The following PRIM2 variants were observed in gnomAD, a reference collection of about 807,000 sequenced individuals.
The protein encoded by PRIM2 is DNA primase subunit 2, also known as DNA primase large subunit.
Under a neutral mutation model 67.3 loss-of-function variants are expected in PRIM2, and 39 were observed. That is an observed-to-expected ratio of 0.58 (90% CI 0.45 to 0.76). The LOEUF is 0.76. PRIM2 is among the 30% of genes least tolerant of loss of function. PRIM2 has a pLI of 0.00. For synonymous variants in PRIM2, 143 were observed against 198.7 expected (o/e 0.72, Z 2.36); for missense variants, 398 against 598.7 (o/e 0.66, Z 3.50).
rs183835031 is a variant in PRIM2 at position 57,457,552 on chromosome 6, T to C, written c.694-49835T>C. On this transcript the variant is annotated intron_variant, in intron 7 of 13. Coordinates refer to ENST00000615550, the MANE Select transcript of PRIM2 (RefSeq NM_000947.5). ...TGATCTCAGGCTGCTGTGCTAGCAA[T>C]GAGTGAGGCTCTGTGGGTGTAGGAC... 2.0e-5 allele frequency among the ~76,000 whole-genome samples: 3 copies of C among 152,194 alleles called. No homozygotes were observed. In the South Asian group the frequency reaches 6.2e-4, roughly 32 times the overall value.
intron 7 of PRIM2, among the ~76,000 whole-genome samples, chr6:57,401,004 C>G (rs1770688692): frequency 6.6e-6 from 1 of 152,128 alleles, no homozygotes; most frequent in East Asian, 1.9e-4. Flanking sequence ...TCCTTCAGCT[C>G]CTTTATCATT....
chr6:57,459,683 A>G (rs1347930464), intron 7 of PRIM2, among the ~76,000 whole-genome samples: 6 of 152,144 alleles, frequency 3.9e-5, no homozygotes, highest in Admixed American at 2.0e-4. Context: ...CTTGGGCAGG[A>G]TTTCTATATT....
the PRIM2 span, among the ~76,000 whole-genome samples, chr6:57,223,298 C>G: frequency 2.1e-4 from 32 of 152,236 alleles, no homozygotes; most frequent in African/African-American, 7.5e-4. Context: ...GGGATAGTGA[C>G]TGGAAGGAGT....
At chr6:57,605,009 A>T (rs1776534523) in intron 11 of PRIM2, among the ~76,000 whole-genome samples, 1 of 152,148 alleles carries the variant, frequency 6.6e-6, no homozygotes, top group Non-Finnish European at 1.5e-5. Context: ...GATTTTATTG[A>T]AAGTTTTTTC....
chr6:57,613,168 A>G, intron 12 of PRIM2, among the ~76,000 whole-genome samples: 1 of 152,270 alleles, frequency 6.6e-6, no homozygotes, highest in Middle Eastern at 3.4e-3. Flanking sequence ...TTTCATAGTA[A>G]AAATGCAGTG....
At chr6:57,425,364 C>T (rs1449517872) in intron 7 of PRIM2, among the ~76,000 whole-genome samples, 9 of 152,010 alleles carry the variant, frequency 5.9e-5, no homozygotes, top group African/African-American at 7.2e-5. Flanking sequence ...GGACTACAGG[C>T]GCACATCACA....
chr6:57,607,218 T>C (rs1165564410), intron 12 of PRIM2, among the ~76,000 whole-genome samples: 2 of 152,326 alleles, frequency 1.3e-5, no homozygotes, highest in East Asian at 3.9e-4. Flanking sequence ...AAATTGTTAC[T>C]CTAGACAACT....
Position 57,393,478 on chromosome 6 carries a change from C to A in PRIM2, c.693+11310C>A, listed in dbSNP as rs941478280. Among the ~76,000 whole-genome samples the A allele has an allele frequency of 4.6e-5, 7 of 152,186 alleles. No individual in the cohort carries two copies. In the South Asian group the frequency reaches 1.5e-3, roughly 32 times the overall value. On this transcript the variant is annotated intron_variant, in intron 7 of 13. Coordinates refer to ENST00000615550, the MANE Select transcript of PRIM2 (RefSeq NM_000947.5). ...TCTTTTGAGAATTGTCTATTCATAT[C>A]CTTAGCCCACTTTTTGATGGAATTG...
chr6:57,306,404 A>G, the PRIM2 span, among the ~76,000 whole-genome samples: 1 of 152,138 alleles, frequency 6.6e-6, no homozygotes, highest in Non-Finnish European at 1.5e-5. Flanking sequence ...ACTCCCGACC[A>G]TGTCATTATA....
chr6:57,538,016 G>T (rs1158732457), intron 10 of PRIM2, among the ~76,000 whole-genome samples: 7 of 147,414 alleles, frequency 4.7e-5, no homozygotes, highest in African/African-American at 1.5e-4. Context: ...ATAAACTTTT[G>T]TTTTTTTTTT....
At chr6:57,299,809 G>A in the PRIM2 span, among the ~76,000 whole-genome samples, 1 of 152,156 alleles carries the variant, frequency 6.6e-6, no homozygotes, top group Non-Finnish European at 1.5e-5. Flanking sequence ...TTGAGGGTGT[G>A]TCTTTAAAGT....
At chr6:57,325,303 C>G (rs1309273075) in intron 4 of PRIM2, among the ~76,000 whole-genome samples, 1 of 88,742 alleles carries the variant, frequency 1.1e-5, no homozygotes, top group Non-Finnish European at 2.5e-5. Context: ...TTCTCTCTCT[C>G]TCTTTTTTTT....
the PRIM2 span, among the ~76,000 whole-genome samples, chr6:57,289,643 C>T: frequency 1.3e-5 from 2 of 152,152 alleles, no homozygotes; most frequent in Non-Finnish European, 2.9e-5. Flanking sequence ...AGAGTAGGGG[C>T]CAACATTCAA....
chr6:57,558,711 G>A (rs1339669595), intron 10 of PRIM2, among the ~76,000 whole-genome samples: 4 of 152,026 alleles, frequency 2.6e-5, no homozygotes, highest in East Asian at 1.9e-4. Context: ...CTTGATACAC[G>A]TGTTTTTATT....
At chr6:57,300,600 GCTT>G in the PRIM2 span, among the ~76,000 whole-genome samples, 1 of 152,100 alleles carries the variant, frequency 6.6e-6, no homozygotes, top group East Asian at 1.9e-4. Flanking sequence ...GAGGCTGTTG[GCTT>G]CTTTATTAGT....
intron 10 of PRIM2, among the ~76,000 whole-genome samples, chr6:57,560,708 G>A (rs1775608757): frequency 6.6e-6 from 1 of 151,522 alleles, no homozygotes; most frequent in Admixed American, 6.6e-5. Flanking sequence ...CAAAGCACTT[G>A]GGTGACTAGG....
chr6:57,277,610 G>C, the PRIM2 span, among the ~76,000 whole-genome samples: 2 of 151,988 alleles, frequency 1.3e-5, no homozygotes, highest in Non-Finnish European at 1.5e-5. Flanking sequence ...GTTGGAGCCT[G>C]CTTCTGCTTG....
At chr6:57,309,735 C>T in the PRIM2 span, among the ~76,000 whole-genome samples, 3 of 152,210 alleles carry the variant, frequency 2.0e-5, no homozygotes, top group South Asian at 2.1e-4. Flanking sequence ...CCTGAGGAAT[C>T]GCCACACTGA....
intron 5 of PRIM2, among the ~76,000 whole-genome samples, chr6:57,327,007 G>A (rs1002913297): frequency 2.0e-5 from 3 of 150,132 alleles, no homozygotes; most frequent in Non-Finnish European, 2.9e-5. Flanking sequence ...GGGTTCAAGC[G>A]ATTCTCCTGC....
Sources: gnomAD v4.1 joint callset for allele counts (sites outside exome capture counted in the v4.1 genomes callset) on GRCh38, gnomAD v4.1.1 for gene constraint, MANE v1.5 for transcripts, NCBI Gene and HGNC (gene_info 2026-07-23, HGNC 2026-07-21) for gene names.